ATF7IP: variants seen among roughly 807,000 people sequenced by gnomAD.
ATF7IP encodes activating transcription factor 7 interacting protein.
A neutral mutation model predicts 106.4 loss-of-function variants in ATF7IP; 23 were observed. The observed-to-expected ratio is 0.22, with a 90% CI of 0.16 to 0.31. The LOEUF is 0.31. ATF7IP is among the 10% of genes least tolerant of loss of function. The pLI, the probability that ATF7IP is intolerant of heterozygous loss-of-function variation, is 1.00. For synonymous variants in ATF7IP, 542 were observed against 539.0 expected, an observed-to-expected ratio of 1.01 and a Z score of -0.08; for missense variants, 1,334 against 1,524.3, an observed-to-expected ratio of 0.88 and a Z score of 2.08.
At chr12:14,401,779 G>A (rs1475628463) in intron 1 of ATF7IP, among the ~76,000 whole-genome samples, 1 of 138,742 alleles carries the variant, frequency 7.2e-6, no homozygotes, top group Non-Finnish European at 1.5e-5. Context: ...GTGCGATGGC[G>A]CTGGGCTCAC....
chr12:14,428,988 C>G (rs1591840442), intron 2 of ATF7IP, among the ~76,000 whole-genome samples: 1 of 152,248 alleles, frequency 6.6e-6, no homozygotes, highest in East Asian at 1.9e-4. Flanking sequence ...AGATTTATCT[C>G]TCTGGGAAAG....
At chr12:14,446,733 GT>G (rs1218840608) in intron 5 of ATF7IP, among the ~76,000 whole-genome samples, 1 of 152,166 alleles carries the variant, frequency 6.6e-6, no homozygotes, top group African/African-American at 2.4e-5. Context: ...ACACTCAAAA[GT>G]TCGAGGAAGA....
chr12:14,450,880 A>G (rs1943176120), intron 6 of ATF7IP, among the ~76,000 whole-genome samples: 1 of 151,938 alleles, frequency 6.6e-6, no homozygotes, highest in Non-Finnish European at 1.5e-5. Flanking sequence ...GGTTCAAGTG[A>G]TTTGTGTGCC....
chr12:14,424,663 G>C lies in ATF7IP; in HGVS notation c.748G>C (p.Ala250Pro), dbSNP rs371142536. Residue 250 changes from alanine (A) to proline (P), a missense_variant, in exon 2 of 15, where the codon GCC (alanine) becomes CCC (proline). Transcript: ENST00000261168. ...ASGAPASTDP[A>P]SDDLASGDLS... ...TGGAGCACCAGCTTCCACTGATCCAGCCTCTGATGATCTGGCCTCTGGTGA... is the reference window on the plus strand; with the variant it reads ...TGGAGCACCAGCTTCCACTGATCCACCCTCTGATGATCTGGCCTCTGGTGA... The C allele has an allele frequency of 1.2e-6, 2 of 1,613,982 alleles. No homozygotes were observed. Among genetic ancestry groups the C allele is most frequent in the Non-Finnish European group, 1.7e-6 (2 of 1,180,024 alleles).
In ATF7IP at chr12:14,496,174, C is replaced by T. The variant is rs1945005736; in HGVS notation, c.3281-57C>T. The T allele has an allele frequency of 4.4e-6, 5 of 1,130,114 alleles. No individual in the cohort carries two copies. In the East Asian group the frequency reaches 9.8e-5, roughly 22 times the overall value. The allele number at this position is 1,130,114 out of a possible 1,614,324, so 70.0% of individuals were successfully genotyped here. A position where few individuals can be genotyped will look rare whatever the true frequency, so the allele number is the denominator to read the frequency against. On this transcript the variant is annotated intron_variant, in intron 13 of 14. Coordinates refer to ENST00000261168, the MANE Select transcript of ATF7IP (RefSeq NM_018179.5). ...GCCTTCAAATATTTAATCAGTTTTC[C>T]ACCAAATTTACAATAGAATTATCAT...
intron 10 of ATF7IP, among the ~76,000 whole-genome samples, chr12:14,474,732 T>G (rs1944195510): frequency 6.6e-6 from 1 of 152,204 alleles, no homozygotes; most frequent in Admixed American, 6.5e-5. Context: ...TTTCGAGTCT[T>G]TATCTGCTGG....
chr12:14,462,056 G>A (rs571403012), intron 9 of ATF7IP, among the ~76,000 whole-genome samples: 13 of 152,092 alleles, frequency 8.5e-5, no homozygotes, highest in Middle Eastern at 6.8e-3. Flanking sequence ...AAACAATGAC[G>A]GTATTTCACA....
intron 10 of ATF7IP, among the ~76,000 whole-genome samples, chr12:14,470,448 G>C (rs1943995771): frequency 2.0e-5 from 3 of 152,132 alleles, no homozygotes; most frequent in Admixed American, 6.6e-5. Flanking sequence ...TTTCTGATTA[G>C]ATTTCTCAGA....
At chr12:14,380,556 G>A (rs7312042) in intron 1 of ATF7IP, among the ~76,000 whole-genome samples, 82,415 of 152,084 alleles carry the variant, frequency 0.54, 22,767 homozygotes, top group African/African-American at 0.65. Flanking sequence ...ATTCATGAAG[G>A]GGACTAGGGA....
intron 6 of ATF7IP, among the ~76,000 whole-genome samples, chr12:14,451,922 C>CAA (rs1943216696): frequency 3.3e-5 from 5 of 152,122 alleles, no homozygotes; most frequent in African/African-American, 7.2e-5. Context: ...GATATTCTGT[C>CAA]TGATGGTTCT....
At chr12:14,436,278 C>G (rs1181838909) in intron 4 of ATF7IP, 27 bp downstream of exon 4, 1 of 1,586,114 alleles carries the variant, frequency 6.3e-7, no homozygotes, top group Non-Finnish European at 8.6e-7. Flanking sequence ...AAGTTATAAA[C>G]CATATTGAAT....
At chr12:14,456,979 C>T (rs778094218) in intron 7 of ATF7IP, among the ~76,000 whole-genome samples, 4 of 152,174 alleles carry the variant, frequency 2.6e-5, no homozygotes, top group Non-Finnish European at 4.4e-5. Flanking sequence ...GTACTGATAA[C>T]AGACATTAGA....
In ATF7IP at chr12:14,472,214, A is replaced by T. The variant is rs185996713; in HGVS notation, c.2863-3676A>T. Among the ~76,000 whole-genome samples, 267 of 152,314 alleles carry T rather than the reference A, an allele frequency of 1.8e-3. 1 individual carries two copies. The highest frequency in any genetic ancestry group is 6.3e-3 in the African/African-American group (261 of 41,570). On this transcript the variant is annotated intron_variant, in intron 10 of 14. Coordinates refer to ENST00000261168, the MANE Select transcript of ATF7IP (RefSeq NM_018179.5). ...CCCTAATTAGTAGTGTTTTATGCTA[A>T]GTAAGCATCCTTATCTATTGAATAA...
intron 1 of ATF7IP, among the ~76,000 whole-genome samples, chr12:14,387,828 C>G (rs773911148): frequency 6.6e-6 from 1 of 152,138 alleles, no homozygotes; most frequent in Admixed American, 6.5e-5. Flanking sequence ...TATTTTGTCA[C>G]TTTTAAAAAT....
intron 10 of ATF7IP, among the ~76,000 whole-genome samples, chr12:14,473,288 C>CTGTATATG (rs796814505): frequency 5.0e-5 from 7 of 140,350 alleles, no homozygotes; most frequent in Non-Finnish European, 1.1e-4. Context: ...CTCTCTCTCT[C>CTGTATATG]TCTGTGTGTG....
chr12:14,459,960 A>G (rs1943577491), intron 8 of ATF7IP, among the ~76,000 whole-genome samples: 1 of 152,168 alleles, frequency 6.6e-6, no homozygotes, highest in Non-Finnish European at 1.5e-5. Context: ...TCCCCTCAAT[A>G]GTTCCTCTCC....
intron 1 of ATF7IP, among the ~76,000 whole-genome samples, chr12:14,369,797 T>A (rs1187009617): frequency 6.6e-6 from 1 of 152,230 alleles, no homozygotes; most frequent in Non-Finnish European, 1.5e-5. Context: ...CTAGTTTCCA[T>A]AGACTTGATC....
chr12:14,413,002 G>T (rs1941004691), intron 1 of ATF7IP, among the ~76,000 whole-genome samples: 1 of 152,006 alleles, frequency 6.6e-6, no homozygotes, highest in African/African-American at 2.4e-5. Flanking sequence ...TGACAGAGAG[G>T]GACCATGTCT....
chr12:14,470,097 G>A (rs1266784595), intron 10 of ATF7IP, among the ~76,000 whole-genome samples: 2 of 152,110 alleles, frequency 1.3e-5, no homozygotes, highest in Non-Finnish European at 2.9e-5. Flanking sequence ...GACTTCCAAG[G>A]GCAACGTTCT....
Sources: gnomAD v4.1 joint callset for allele counts (sites outside exome capture counted in the v4.1 genomes callset) on GRCh38, gnomAD v4.1.1 for gene constraint, MANE v1.5 for transcripts, NCBI Gene and HGNC (gene_info 2026-07-23, HGNC 2026-07-21) for gene names.